The following FMN1 variants were observed in gnomAD, a reference collection of about 807,000 sequenced individuals.
The protein encoded by FMN1 is formin-1.
Under a neutral mutation model 132.4 loss-of-function variants are expected in FMN1, and 110 were observed. That is an observed-to-expected ratio of 0.83 (90% CI 0.71 to 0.97). The LOEUF is 0.97. Among genes scored for constraint, FMN1 ranks in the 50% least tolerant of loss-of-function variants. The pLI is 0.00. For synonymous variants in FMN1, 722 were observed against 651.7 expected (o/e 1.11, Z -1.64); for missense variants, 1,792 against 1,705.3 (o/e 1.05, Z -0.90).
chr15:32,956,020 G>C (rs1450049656), intron 9 of FMN1, among the ~76,000 whole-genome samples: 1 of 152,140 alleles, frequency 6.6e-6, no homozygotes, highest in Non-Finnish European at 1.5e-5. Context: ...CCAATACTCT[G>C]TGTGGGTAAT....
intron 16 of FMN1, among the ~76,000 whole-genome samples, chr15:32,878,949 A>G (rs1158699641): frequency 2.0e-5 from 3 of 152,252 alleles, no homozygotes; most frequent in Non-Finnish European, 4.4e-5. Flanking sequence ...CTTCCCACCT[A>G]GAAATGTCAC....
chr15:33,170,394 A>C (rs1196460930), intron 3 of FMN1, among the ~76,000 whole-genome samples: 1 of 152,182 alleles, frequency 6.6e-6, no homozygotes, highest in African/African-American at 2.4e-5. Context: ...ACAGGCAACA[A>C]AACCAAAAAT....
intron 4 of FMN1, among the ~76,000 whole-genome samples, chr15:33,125,669 G>C (rs959534060): frequency 6.6e-6 from 1 of 150,690 alleles, no homozygotes; most frequent in Non-Finnish European, 1.5e-5. Flanking sequence ...GTGAAACCTC[G>C]TCTCTACTAA....
intron 3 of FMN1, among the ~76,000 whole-genome samples, chr15:33,169,470 G>A (rs1965231379): frequency 6.6e-6 from 1 of 152,080 alleles, no homozygotes; most frequent in African/African-American, 2.4e-5. Context: ...AATTCAAACG[G>A]AATTTTGAGA....
chr15:32,954,228 C>A (rs2061714464), intron 9 of FMN1, among the ~76,000 whole-genome samples: 1 of 152,166 alleles, frequency 6.6e-6, no homozygotes, highest in Non-Finnish European at 1.5e-5. Flanking sequence ...ATATACCTTA[C>A]ATTTGGGGGA....
chr15:32,867,739 C>T (rs992987377), intron 16 of FMN1, among the ~76,000 whole-genome samples: 8 of 152,200 alleles, frequency 5.3e-5, no homozygotes, highest in African/African-American at 1.9e-4. Flanking sequence ...GATCTGCCCG[C>T]CTCGGCCTCC....
chr15:32,804,302 T>C lies in FMN1; in HGVS notation c.3959A>G (p.His1320Arg). ...TTACCTTTTCTGTGCATTCTCCAAG[T>C]GACTTTCTTCCATCTTATGCTCTTT... is the stretch of plus-strand genomic sequence containing the variant. ...AKKEHKMEES[H>R]LENAQKSFET... The change falls in exon 18 of 21, where the codon CAC (histidine) becomes CGC (arginine). Residue 1320 changes from histidine to arginine, a missense_variant. Coordinates refer to ENST00000616417, the MANE Select transcript of FMN1 (RefSeq NM_001277313.2). 6.4e-7 allele frequency: 1 copy of C among 1,569,276 alleles called. No individual in the cohort carries two copies. Among genetic ancestry groups the C allele is most frequent in the Non-Finnish European group, 8.7e-7 (1 of 1,155,906 alleles).
intron 4 of FMN1, among the ~76,000 whole-genome samples, chr15:33,100,014 G>GT (rs2039234325): frequency 6.6e-6 from 1 of 152,132 alleles, no homozygotes; most frequent in African/African-American, 2.4e-5. Context: ...GGCTTGGTGG[G>GT]TTTGGAGGTC....
chr15:33,122,411 G>C (rs541477458), intron 4 of FMN1, among the ~76,000 whole-genome samples: 25 of 150,238 alleles, frequency 1.7e-4, no homozygotes, highest in African/African-American at 6.3e-4. Flanking sequence ...GGAAAGTAAG[G>C]TAGGTCAGAG....
At chr15:32,988,783 A>AGAG (rs111612459) in intron 7 of FMN1, among the ~76,000 whole-genome samples, 1 of 151,628 alleles carries the variant, frequency 6.6e-6, no homozygotes, top group Non-Finnish European at 1.5e-5. Flanking sequence ...GTATTGAGAA[A>AGAG]GTTGAGAACC....
chr15:32,995,235 C>T (rs1003414627), intron 7 of FMN1, among the ~76,000 whole-genome samples: 5 of 152,068 alleles, frequency 3.3e-5, no homozygotes, highest in African/African-American at 9.7e-5. Flanking sequence ...TACATAGACA[C>T]CTGTAACAGC....
intron 10 of FMN1, among the ~76,000 whole-genome samples, chr15:32,925,437 T>C (rs2060936635): frequency 1.3e-5 from 2 of 152,114 alleles, no homozygotes; most frequent in African/African-American, 2.4e-5. Context: ...CAGGGGAACA[T>C]GATAAATAAA....
chr15:32,835,798 TAAGA>T (rs973924328), intron 17 of FMN1, among the ~76,000 whole-genome samples: 3 of 152,146 alleles, frequency 2.0e-5, no homozygotes, highest in South Asian at 2.1e-4. Flanking sequence ...GTCATGAAAA[TAAGA>T]AAGAAAGAGC....
rs113747119 is a variant in FMN1 at position 33,154,675 on chromosome 15, C to T, written c.240G>A (p.Thr80=). 1.8e-5 allele frequency: 28 copies of T among 1,536,066 alleles called. No individual in the cohort carries two copies. Among genetic ancestry groups the T allele is most frequent in the African/African-American group, 1.5e-4 (11 of 73,126 alleles). The change falls in exon 4 of 21, where the codon ACG becomes ACA. Residue 80 remains threonine (T), a synonymous_variant. Transcript: ENST00000616417. ...PGDIFFKQTP[T]KDILTELYKL... The stretch of plus-strand genomic sequence containing the variant: ...TGTACAGCTCAGTTAGAATGTCTTT[C>T]GTGGGAGTCTGCTTGAAAAATATGT...
chr15:32,962,609 T>A (rs2140584578), intron 9 of FMN1, among the ~76,000 whole-genome samples: 1 of 151,280 alleles, frequency 6.6e-6, no homozygotes, highest in African/African-American at 2.5e-5. Flanking sequence ...AAAGGGCTAA[T>A]ATCCAGAATC....
intron 6 of FMN1, among the ~76,000 whole-genome samples, chr15:33,042,988 A>G (rs978269503): frequency 6.6e-6 from 1 of 152,120 alleles, no homozygotes; most frequent in Non-Finnish European, 1.5e-5. Flanking sequence ...AAATCTAAAC[A>G]TATGCGTGTA....
At chr15:32,909,623 C>G (rs1046866597) in intron 11 of FMN1, among the ~76,000 whole-genome samples, 1 of 152,118 alleles carries the variant, frequency 6.6e-6, no homozygotes, top group African/African-American at 2.4e-5. Flanking sequence ...CACTATAGAG[C>G]CCTAGACAGC....
chr15:33,033,264 T>C (rs1231343509), intron 6 of FMN1, among the ~76,000 whole-genome samples: 2 of 152,112 alleles, frequency 1.3e-5, no homozygotes, highest in Non-Finnish European at 2.9e-5. Context: ...TCTCCTGACC[T>C]TGTGATCCGC....
chr15:32,781,541 A>G (rs905217563), intron 19 of FMN1, among the ~76,000 whole-genome samples: 8 of 152,192 alleles, frequency 5.3e-5, no homozygotes, highest in African/African-American at 1.7e-4. Context: ...TTATTGACAA[A>G]TACTGGTAGT....
Sources: gnomAD v4.1 joint callset for allele counts (sites outside exome capture counted in the v4.1 genomes callset) on GRCh38, gnomAD v4.1.1 for gene constraint, MANE v1.5 for transcripts, NCBI Gene and HGNC (gene_info 2026-07-23, HGNC 2026-07-21) for gene names.